Variants in SMAD3 observed in about 807,000 individuals in gnomAD.
SMAD3 encodes the protein MAD homolog 3.
Under a neutral mutation model 51.8 loss-of-function variants are expected in SMAD3, and 12 were observed. The ratio of observed to expected loss-of-function variants is 0.23; its 90% confidence interval spans 0.15 to 0.38. The LOEUF is 0.38. Among genes scored for constraint, SMAD3 ranks in the 10% least tolerant of loss-of-function variants. The pLI, the probability that SMAD3 is intolerant of heterozygous loss-of-function variation, is 1.00. For missense variants in SMAD3, 294 were observed against 565.6 expected (o/e 0.52, Z 4.87); for synonymous variants, 238 against 227.7 (o/e 1.05, Z -0.41).
chr15:67,109,885 G>A (rs746783246), intron 1 of SMAD3, among the ~76,000 whole-genome samples: 10 of 152,148 alleles, frequency 6.6e-5, no homozygotes, highest in Non-Finnish European at 1.5e-4. Context: ...CTCCTCCACG[G>A]CCCACTTCCC....
intron 1 of SMAD3, chr15:67,138,111 C>G (rs775368267): frequency 1.3e-6 from 2 of 1,547,028 alleles, no homozygotes; most frequent in Non-Finnish European, 1.8e-6. Flanking sequence ...GTAGGAGCCC[C>G]GTGCCGGGAC....
intron 4 of SMAD3, among the ~76,000 whole-genome samples, chr15:67,167,863 C>T (rs1448143368): frequency 1.3e-5 from 2 of 152,110 alleles, no homozygotes; most frequent in South Asian, 2.1e-4. Flanking sequence ...TGTTCCATTC[C>T]GATGGTGGTG....
At chr15:67,187,945 G>GT (rs1963263192) in intron 8 of SMAD3, among the ~76,000 whole-genome samples, 1 of 152,066 alleles carries the variant, frequency 6.6e-6, no homozygotes. Flanking sequence ...TCTTCAGGAA[G>GT]TTAGGTCTTC....
chr15:67,101,785 A>G (rs1960763577), intron 1 of SMAD3, among the ~76,000 whole-genome samples: 1 of 152,196 alleles, frequency 6.6e-6, no homozygotes, highest in African/African-American at 2.4e-5. Flanking sequence ...TGTGAATGAT[A>G]TTTCTGGCCT....
At chr15:67,133,452 T>C (rs1961579405) in intron 1 of SMAD3, among the ~76,000 whole-genome samples, 1 of 152,190 alleles carries the variant, frequency 6.6e-6, no homozygotes, top group Non-Finnish European at 1.5e-5. Flanking sequence ...GCTGCGTTTC[T>C]GTTTGCCTCT....
intron 1 of SMAD3, among the ~76,000 whole-genome samples, chr15:67,126,871 G>T (rs1435452405): frequency 2.0e-5 from 3 of 152,210 alleles, no homozygotes; most frequent in African/African-American, 7.2e-5. Context: ...GGGGGGCAGT[G>T]TGTCTCCCTA....
Position 67,165,021 on chromosome 15 carries a change from C to T in SMAD3, c.333C>T (p.Phe111=), listed in dbSNP as rs762612490. The change falls in exon 2 of 9, where the codon TTC becomes TTT. Residue 111 remains phenylalanine, a synonymous_variant. Transcript: ENST00000327367. ...HELRAMELCE[F]AFNMKKDEVC... is the part of the protein sequence containing the mutation. Reference sequence around the variant, plus strand: ...TACGGGCCATGGAGCTGTGTGAGTTCGCCTTCAATATGAAGAAGGACGAGG... The same window carrying T: ...TACGGGCCATGGAGCTGTGTGAGTTTGCCTTCAATATGAAGAAGGACGAGG... The T allele has an allele frequency of 1.1e-5, 17 of 1,614,116 alleles. No individual in the cohort carries two copies. In the East Asian group the frequency reaches 1.3e-4, roughly 13 times the overall value.
intron 1 of SMAD3, among the ~76,000 whole-genome samples, chr15:67,122,345 A>AC (rs1961284447): frequency 6.6e-6 from 1 of 152,038 alleles, no homozygotes; most frequent in Non-Finnish European, 1.5e-5. Context: ...TTCCCCCCAG[A>AC]CCCTGTCAGC....
chr15:67,106,955 C>T (rs149713324), intron 1 of SMAD3, among the ~76,000 whole-genome samples: 1 of 152,230 alleles, frequency 6.6e-6, no homozygotes, highest in East Asian at 1.9e-4. Context: ...TGGTTTAAAA[C>T]TCTGGTAGCT....
chr15:67,103,947 T>C (rs926375798), intron 1 of SMAD3, among the ~76,000 whole-genome samples: 3 of 152,114 alleles, frequency 2.0e-5, no homozygotes, highest in African/African-American at 4.8e-5. Context: ...TCCAGAGGTG[T>C]TGACGTTCAA....
At chr15:67,156,464 G>C (rs1962285734) in intron 1 of SMAD3, among the ~76,000 whole-genome samples, 1 of 152,202 alleles carries the variant, frequency 6.6e-6, no homozygotes, top group Non-Finnish European at 1.5e-5. Context: ...TTTAGAATTA[G>C]GGAAAAGAAT....
chr15:67,133,371 G>A (rs1187592375), intron 1 of SMAD3, among the ~76,000 whole-genome samples: 1 of 151,830 alleles, frequency 6.6e-6, no homozygotes. Context: ...CTTTGCCAAT[G>A]CCAATATTAT....
chr15:67,097,139 G>A (rs1283536556), intron 1 of SMAD3, among the ~76,000 whole-genome samples: 1 of 152,114 alleles, frequency 6.6e-6, no homozygotes, highest in Non-Finnish European at 1.5e-5. Context: ...AAAAATGTGG[G>A]TACTTGGAGG....
At chr15:67,103,848 A>G (rs909586232) in intron 1 of SMAD3, among the ~76,000 whole-genome samples, 16 of 152,280 alleles carry the variant, frequency 1.1e-4, no homozygotes, top group African/African-American at 3.1e-4. Flanking sequence ...CTTTGTGCCA[A>G]ACTCGTTGCT....
chr15:67,125,712 C>G, intron 1 of SMAD3: 1 of 985,516 alleles, frequency 1.0e-6, no homozygotes. Flanking sequence ...GAGCAAACGG[C>G]CTGAAATATG....
At chr15:67,142,786 G>A (rs987955411) in intron 1 of SMAD3, 2 of 434,696 alleles carry the variant, frequency 4.6e-6, no homozygotes, top group Non-Finnish European at 9.3e-6. Context: ...AAAAGAGCTT[G>A]TGAAATAGGC....
Position 67,195,091 on chromosome 15 carries a change from C to T in SMAD3, c.*4555C>T. 1 of 233,424 alleles carries T rather than the reference C, an allele frequency of 4.3e-6. No individual in the cohort carries two copies. Among genetic ancestry groups the T allele is most frequent in the Non-Finnish European group, 8.5e-6 (1 of 117,832 alleles). 14.5% of individuals were successfully genotyped at this position (233,424 alleles called of 1,614,324 possible). A position where few individuals can be genotyped will look rare whatever the true frequency, so the allele number is the denominator to read the frequency against. The stretch of plus-strand genomic sequence containing the variant: ...AGAGCACCTGTTTAAGCATTGTACC[C>T]CTATTGTTAAAGATTTGTGTCCTCT... On this transcript the variant is annotated 3_prime_UTR_variant, in exon 9 of 9. Coordinates refer to ENST00000327367, the MANE Select transcript of SMAD3 (RefSeq NM_005902.4).
At chr15:67,189,684 C>G (rs948765780) in intron 8 of SMAD3, among the ~76,000 whole-genome samples, 2 of 152,198 alleles carry the variant, frequency 1.3e-5, no homozygotes, top group African/African-American at 4.8e-5. Flanking sequence ...CCAGCTGGCA[C>G]CAGCGACTCC....
chr15:67,125,067 G>A (rs1961351071), intron 1 of SMAD3, among the ~76,000 whole-genome samples: 1 of 152,254 alleles, frequency 6.6e-6, no homozygotes, highest in Admixed American at 6.5e-5. Flanking sequence ...GAGCTGGGTG[G>A]GTCGGGGAAA....
Sources: allele counts gnomAD v4.1 joint callset (sites outside exome capture counted in the v4.1 genomes callset), GRCh38; gene constraint gnomAD v4.1.1; transcripts MANE v1.5; gene names NCBI Gene and HGNC (gene_info 2026-07-23, HGNC 2026-07-21).